Variants in TRPC7 observed in about 807,000 individuals in gnomAD.
The protein encoded by TRPC7 is transient receptor potential cation channel subfamily C member 7.
TRPC7 carries 42 observed loss-of-function variants against 90.1 expected under a neutral mutation model. The ratio of observed to expected loss-of-function variants is 0.47; its 90% CI spans 0.36 to 0.60. TRPC7 has a LOEUF of 0.60. TRPC7 is among the 20% of genes least tolerant of loss of function. The probability of loss-of-function intolerance (pLI) is 0.00; values close to 1 mark genes in which losing one functional copy is unlikely to be tolerated. For missense variants in TRPC7, 955 were observed against 1,112.3 expected (o/e 0.86, Z 2.01); for synonymous variants, 451 against 436.3 (o/e 1.03, Z -0.42).
intron 7 of TRPC7, among the ~76,000 whole-genome samples, chr5:136,231,894 T>A (rs555199768): frequency 6.6e-6 from 1 of 152,332 alleles, no homozygotes; most frequent in South Asian, 2.1e-4. Context: ...TGTAAGCCAC[T>A]GCATCTGGCC....
At chr5:136,223,369 T>C (rs756071981) in intron 10 of TRPC7, among the ~76,000 whole-genome samples, 2 of 152,046 alleles carry the variant, frequency 1.3e-5, no homozygotes, top group Non-Finnish European at 2.9e-5. Context: ...ATCCCAGCAC[T>C]TTGGGAGGCC....
intron 5 of TRPC7, among the ~76,000 whole-genome samples, chr5:136,258,895 G>A (rs144339884): frequency 2.6e-5 from 4 of 152,298 alleles, no homozygotes; most frequent in South Asian, 4.1e-4. Context: ...GAACTCGCAG[G>A]AGAGAGAATA....
At chr5:136,262,046 T>C (rs1461453762) in intron 5 of TRPC7, among the ~76,000 whole-genome samples, 1 of 152,194 alleles carries the variant, frequency 6.6e-6, no homozygotes, top group Non-Finnish European at 1.5e-5. Context: ...TACAATCCAA[T>C]TGTAAGTGTT....
At chr5:136,227,234 C>T (rs1755656875) in intron 8 of TRPC7, among the ~76,000 whole-genome samples, 1 of 152,114 alleles carries the variant, frequency 6.6e-6, no homozygotes, top group Admixed American at 6.5e-5. Context: ...GTTCCTTGAA[C>T]CTCTGTCCTA....
chr5:136,233,274 G>A (rs1755875807), intron 7 of TRPC7, among the ~76,000 whole-genome samples: 1 of 152,144 alleles, frequency 6.6e-6, no homozygotes, highest in Non-Finnish European at 1.5e-5. Context: ...AATTTAGTTG[G>A]GTGTTTATAA....
intron 3 of TRPC7, among the ~76,000 whole-genome samples, chr5:136,301,261 A>G (rs562532741): frequency 6.6e-6 from 1 of 151,292 alleles, no homozygotes; most frequent in Admixed American, 6.6e-5. Context: ...TCCTGACGTC[A>G]GATGATCCAC....
At chr5:136,353,006 TC>T (rs1760249018) in intron 2 of TRPC7, among the ~76,000 whole-genome samples, 1 of 152,220 alleles carries the variant, frequency 6.6e-6, no homozygotes, top group African/African-American at 2.4e-5. Flanking sequence ...TTTACTTTAT[TC>T]CCTTCATCAA....
chr5:136,325,799 C>T (rs1377968468), intron 2 of TRPC7, among the ~76,000 whole-genome samples: 1 of 152,068 alleles, frequency 6.6e-6, no homozygotes, highest in East Asian at 1.9e-4. Flanking sequence ...AAAGCTGGAT[C>T]AAAAGGAAAA....
rs78571717 is a variant in TRPC7, at chr5:136,232,780, C to T, written c.1845-1231G>A. On this transcript the variant is annotated intron_variant, in intron 7 of 11. Coordinates refer to ENST00000513104, the MANE Select transcript of TRPC7 (RefSeq NM_020389.3). ...TTTTGGTTGGGAGGTTTAGACCATG[C>T]ATGTATATCTGGTAACATCTGAATG... 2.0e-3 allele frequency among the ~76,000 whole-genome samples: 298 copies of T among 152,304 alleles called. 2 individuals are homozygous for T. The highest frequency in any genetic ancestry group is 0.012 in the East Asian group (61 of 5,186).
intron 7 of TRPC7, among the ~76,000 whole-genome samples, chr5:136,245,259 A>C (rs559250685): frequency 6.6e-6 from 1 of 152,208 alleles, no homozygotes; most frequent in African/African-American, 2.4e-5. Context: ...TCTCAGGTGC[A>C]TTTCTCAGCA....
chr5:136,317,937 C>T (rs1759074684), intron 2 of TRPC7, among the ~76,000 whole-genome samples: 1 of 152,162 alleles, frequency 6.6e-6, no homozygotes, highest in Admixed American at 6.5e-5. Flanking sequence ...ACTGTCACTT[C>T]CCTGGGCTCT....
chr5:136,255,173 T>C (rs1320017744), intron 5 of TRPC7, among the ~76,000 whole-genome samples: 5 of 152,220 alleles, frequency 3.3e-5, no homozygotes, highest in Non-Finnish European at 7.4e-5. Flanking sequence ...TAAACTTAGT[T>C]GACAAAGCAG....
chr5:136,304,344 A>C (rs1254793995), intron 3 of TRPC7, among the ~76,000 whole-genome samples: 3 of 151,860 alleles, frequency 2.0e-5, no homozygotes, highest in African/African-American at 4.8e-5. Context: ...GCCTGTTATC[A>C]CTCGCCTGCT....
intron 10 of TRPC7, among the ~76,000 whole-genome samples, chr5:136,221,166 T>C (rs1339518106): frequency 1.3e-5 from 2 of 152,004 alleles, no homozygotes; most frequent in Admixed American, 6.6e-5. Context: ...AGATACCTCC[T>C]TGCTATCTTC....
chr5:136,311,319 T>C (rs1196845043), intron 3 of TRPC7, among the ~76,000 whole-genome samples: 3 of 152,120 alleles, frequency 2.0e-5, no homozygotes, highest in Admixed American at 6.5e-5. Flanking sequence ...GAGAGAGGGA[T>C]GGATGAGAGT....
In TRPC7 at chr5:136,315,745, T is replaced by C; in HGVS notation, c.815A>G (p.Asp272Gly). 8 of 1,614,014 alleles carry C rather than the reference T, an allele frequency of 5.0e-6. No homozygotes were observed. The highest frequency in any genetic ancestry group is 6.8e-6 in the Non-Finnish European group (8 of 1,179,944). ...CAGGTCCAGCACGCCCACTACAAAA[T>C]CCTTGCATTGCATAGATAACTTCCT... is the stretch of plus-strand genomic sequence containing the variant. ...DYRKLSMQCK[D>G]FVVGVLDLCR... Residue 272 changes from aspartate (D) to glycine (G), a missense_variant, in exon 3 of 12, where the codon GAT (aspartate) becomes GGT (glycine). By Grantham distance (94) the Asp-to-Gly change is moderately conservative (BLOSUM62 -1). Around this residue, in one of 4 missense-constraint regions of TRPC7, gnomAD observed 484 missense variants for 509.6 expected, o/e 0.95. Coordinates refer to ENST00000513104, the MANE Select transcript of TRPC7 (RefSeq NM_020389.3).
In TRPC7 at chr5:136,296,931, C is replaced by T. The variant is rs1018363444; in HGVS notation, c.963+18666G>A. On this transcript the variant is annotated intron_variant, in intron 3 of 11. Coordinates refer to ENST00000513104, the MANE Select transcript of TRPC7 (RefSeq NM_020389.3). ...GCCTCCCCAGCCAGGAGTCCTGCCC[C>T]TGCCTGGGGTTCCTGTTCTCCTACC... 2.0e-5 allele frequency among the ~76,000 whole-genome samples: 3 copies of T among 152,196 alleles called. No individual in the cohort carries two copies. The East Asian group carries it at 5.8e-4, about 29-fold the overall frequency.
At chr5:136,343,025 G>A (rs1759892813) in intron 2 of TRPC7, among the ~76,000 whole-genome samples, 1 of 152,064 alleles carries the variant, frequency 6.6e-6, no homozygotes, top group Non-Finnish European at 1.5e-5. Context: ...TTTAATGGAT[G>A]AAACTGGGAA....
At chr5:136,220,606 G>A (rs952093018) in intron 10 of TRPC7, among the ~76,000 whole-genome samples, 7 of 152,170 alleles carry the variant, frequency 4.6e-5, no homozygotes, top group Admixed American at 2.6e-4. Flanking sequence ...AAGACAATAC[G>A]TGCACAGGTG....
Sources: gnomAD v4.1 joint callset for allele counts (sites outside exome capture counted in the v4.1 genomes callset) on GRCh38, gnomAD v4.1.1 for gene constraint, gnomAD v4.1.1 regional missense constraint, MANE v1.5 for transcripts, NCBI Gene and HGNC (gene_info 2026-07-23, HGNC 2026-07-21) for gene names.